Variants in DNAH12 observed in about 807,000 individuals in gnomAD.
DNAH12 encodes axonemal beta dynein heavy chain 12.
Under a neutral mutation model 371.5 loss-of-function variants are expected in DNAH12, and 285 were observed. The observed-to-expected ratio is 0.77, with a 90% CI of 0.70 to 0.85. The LOEUF (loss-of-function observed/expected upper bound fraction) is 0.85, where lower values mean the gene tolerates loss of function less well. Among genes scored for constraint, DNAH12 ranks in the 40% least tolerant of loss-of-function variants. The pLI is 0.00. For synonymous variants in DNAH12, 1,200 were observed against 1,213.0 expected, an observed-to-expected ratio of 0.99 and a Z score of 0.22; for missense variants, 3,611 against 3,689.4, an observed-to-expected ratio of 0.98 and a Z score of 0.55.
intron 62 of DNAH12, among the ~76,000 whole-genome samples, chr3:57,327,339 C>T (rs2061974139): frequency 6.6e-6 from 1 of 151,492 alleles, no homozygotes; most frequent in Non-Finnish European, 1.5e-5. Flanking sequence ...TGTAAAAGAA[C>T]AGAAATTATA....
In DNAH12 at chr3:57,508,355, C is replaced by G. The variant is rs374983368; in HGVS notation, c.701+27G>C. The G allele has an allele frequency of 2.3e-4, 364 of 1,565,224 alleles. 1 individual carries two copies. The African/African-American group carries it at 3.9e-3, about 17-fold the overall frequency. ...ATATAGACTCAAGCAAGGAGACATT[C>G]AAATTTTAAATTAAACGGGATTTTA... On this transcript the variant is annotated intron_variant, in intron 7 of 73. Coordinates refer to ENST00000495027, the MANE Select transcript of DNAH12 (RefSeq NM_001366028.2).
intron 69 of DNAH12, among the ~76,000 whole-genome samples, chr3:57,303,515 G>A (rs550877996): frequency 1.9e-4 from 28 of 150,980 alleles, no homozygotes; most frequent in Non-Finnish European, 3.4e-4. Context: ...AGGCTCAAGC[G>A]ATTCTCCCAC....
intron 2 of DNAH12, among the ~76,000 whole-genome samples, chr3:57,528,248 G>A (rs757265783): frequency 6.0e-5 from 9 of 150,924 alleles, no homozygotes; most frequent in African/African-American, 1.5e-4. Context: ...GGCTGGTCTC[G>A]AACTCCTGAC....
At chr3:57,422,754 G>A (rs2064631872) in intron 35 of DNAH12, among the ~76,000 whole-genome samples, 1 of 152,212 alleles carries the variant, frequency 6.6e-6, no homozygotes, top group South Asian at 2.1e-4. Flanking sequence ...AATGACACAT[G>A]TACAAGAATA....
intron 2 of DNAH12, chr3:57,530,240 T>C (rs2068794662): frequency 1.9e-5 from 4 of 210,822 alleles, no homozygotes; most frequent in Non-Finnish European, 2.8e-5. Flanking sequence ...TTTAACTTTT[T>C]GTTGTTTCTA....
In DNAH12 at chr3:57,306,145, C is replaced by T. The variant is rs548239869; in HGVS notation, c.11189+3006G>A. On this transcript the variant is annotated intron_variant, in intron 69 of 73. Transcript: ENST00000495027. ...TCCTTCCCAGATCTTCTCCGCTTAG[C>T]GGCTGAAGACTGACACTGCCCGATC... Among the ~76,000 whole-genome samples the T allele has an allele frequency of 1.8e-4, 27 of 152,274 alleles. 1 individual carries two copies. Among genetic ancestry groups the T allele is most frequent in the Admixed American group, 4.6e-4 (7 of 15,298 alleles).
chr3:57,429,802 AT>A, intron 32 of DNAH12, 28 bp from the exon 33 acceptor site: 2 of 1,486,064 alleles, frequency 1.3e-6, no homozygotes, highest in African/African-American at 2.9e-5. Flanking sequence ...TCAAATGTTT[AT>A]TTTTTAAAAT....
At chr3:57,337,921 C>T (rs888046234) in intron 60 of DNAH12, among the ~76,000 whole-genome samples, 1 of 152,220 alleles carries the variant, frequency 6.6e-6, no homozygotes, top group Non-Finnish European at 1.5e-5. Flanking sequence ...GCAGAATACA[C>T]ATTCTCTTCA....
At chr3:57,353,858 TA>T (rs1337543086) in intron 59 of DNAH12, among the ~76,000 whole-genome samples, 2 of 151,972 alleles carry the variant, frequency 1.3e-5, no homozygotes, top group African/African-American at 4.8e-5. Flanking sequence ...TGGCTATAAT[TA>T]AAAAGTCAAA....
chr3:57,341,483 GT>G (rs1222566125), intron 60 of DNAH12, among the ~76,000 whole-genome samples: 8 of 151,920 alleles, frequency 5.3e-5, no homozygotes, highest in African/African-American at 1.7e-4. Flanking sequence ...AATCAAGAAA[GT>G]AATTCCATCT....
intron 4 of DNAH12, among the ~76,000 whole-genome samples, chr3:57,521,063 C>CAAAAAA (rs61570396): frequency 1.8e-5 from 1 of 54,476 alleles, no homozygotes; most frequent in African/African-American, 4.7e-5. Flanking sequence ...GACTCTGTCT[C>CAAAAAA]AAAAAAAAAA....
chr3:57,498,780 A>G (rs938793719), intron 11 of DNAH12, among the ~76,000 whole-genome samples: 2 of 152,100 alleles, frequency 1.3e-5, no homozygotes, highest in Admixed American at 6.6e-5. Flanking sequence ...TGGGCGGATC[A>G]TGAGGTCAGG....
chr3:57,510,401 G>A (rs1208093586), intron 5 of DNAH12, among the ~76,000 whole-genome samples: 1 of 152,166 alleles, frequency 6.6e-6, no homozygotes, highest in African/African-American at 2.4e-5. Flanking sequence ...CACTTTGGGA[G>A]GCTGAGGTGG....
chr3:57,339,759 C>A (rs1300211986), intron 60 of DNAH12, among the ~76,000 whole-genome samples: 1 of 151,880 alleles, frequency 6.6e-6, no homozygotes, highest in African/African-American at 2.4e-5. Context: ...TCCTGAGTGA[C>A]CAATTGATTA....
At chr3:57,551,605 C>T in the DNAH12 span, among the ~76,000 whole-genome samples, 1 of 152,122 alleles carries the variant, frequency 6.6e-6, no homozygotes, top group African/African-American at 2.4e-5. Context: ...GTTTTAATTA[C>T]ATATATTACT....
In DNAH12 at chr3:57,322,999, A is replaced by T. The variant is rs1371766907; in HGVS notation, c.10383+8T>A. 6.4e-7 allele frequency: 1 copy of T among 1,551,474 alleles called. No individual in the cohort carries two copies. The highest frequency in any genetic ancestry group is 8.7e-7 in the Non-Finnish European group (1 of 1,146,906). ...AATGTACTTAACTCTATAAGGAAAT[A>T]AACATACTTTTGAAGATGGATAGCT... On this transcript the variant is annotated splice_region_variant and intron_variant, in intron 64 of 73. Coordinates refer to ENST00000495027, the MANE Select transcript of DNAH12 (RefSeq NM_001366028.2).
At chr3:57,380,391 T>C (rs996995090) in intron 50 of DNAH12, 24 bp from the exon 51 acceptor site, 2 of 152,220 alleles carry the variant, frequency 1.3e-5, no homozygotes, top group Non-Finnish European at 2.9e-5. Context: ...TTATGGAAAT[T>C]TGTTAAATTT....
At chr3:57,343,262 A>C (rs1445846610) in intron 60 of DNAH12, among the ~76,000 whole-genome samples, 4 of 152,208 alleles carry the variant, frequency 2.6e-5, no homozygotes, top group Admixed American at 2.6e-4. Flanking sequence ...CATTTTGAAA[A>C]AGACCTGTAC....
intron 12 of DNAH12, among the ~76,000 whole-genome samples, chr3:57,487,523 AG>A (rs1426213511): frequency 6.6e-6 from 1 of 152,148 alleles, no homozygotes; most frequent in Non-Finnish European, 1.5e-5. Context: ...CTTTGGGCAG[AG>A]ATACTTCAGC....
Sources: gnomAD v4.1 joint callset for allele counts (sites outside exome capture counted in the v4.1 genomes callset) on GRCh38, gnomAD v4.1.1 for gene constraint, MANE v1.5 for transcripts, NCBI Gene and HGNC (gene_info 2026-07-23, HGNC 2026-07-21) for gene names.